The following AK5 variants were observed in gnomAD, a reference collection of about 807,000 sequenced individuals.
AK5 encodes the protein adenylate kinase isoenzyme 5.
AK5 carries 27 observed loss-of-function variants against 69.5 expected under a neutral mutation model. The observed-to-expected ratio is 0.39, with a 90% confidence interval of 0.29 to 0.54. The LOEUF (loss-of-function observed/expected upper bound fraction) is 0.54, where lower values mean the gene tolerates loss of function less well. AK5 is among the 20% of genes least tolerant of loss of function. The pLI, the probability that AK5 is intolerant of heterozygous loss-of-function variation, is 0.71. For synonymous variants in AK5, 260 were observed against 244.4 expected, an observed-to-expected ratio of 1.06 and a Z score of -0.60; for missense variants, 531 against 700.4, an observed-to-expected ratio of 0.76 and a Z score of 2.73.
intron 10 of AK5, among the ~76,000 whole-genome samples, chr1:77,509,271 C>T (rs1657196455): frequency 6.6e-6 from 1 of 152,222 alleles, no homozygotes; most frequent in Non-Finnish European, 1.5e-5. Flanking sequence ...CTTCAGCTGA[C>T]CCTGGCATAT....
chr1:77,436,761 T>C (rs1275247309), intron 8 of AK5, among the ~76,000 whole-genome samples: 1 of 152,094 alleles, frequency 6.6e-6, no homozygotes, highest in Non-Finnish European at 1.5e-5. Context: ...ATATTACTTA[T>C]GAAAACTAAG....
At chr1:77,286,809 T>C in intron 1 of AK5, 132 bp from the exon 2 acceptor site, 1 of 485,580 alleles carries the variant, frequency 2.1e-6, no homozygotes. Flanking sequence ...ATTGTGCCAC[T>C]GCACTCCAGC....
intron 5 of AK5, among the ~76,000 whole-genome samples, chr1:77,318,709 A>G (rs1660370069): frequency 6.7e-6 from 1 of 150,172 alleles, no homozygotes; most frequent in Admixed American, 6.6e-5. Context: ...GTCTCTCTTC[A>G]GTGGGTCTTT....
chr1:77,423,262 G>C (rs1056770890), intron 8 of AK5, among the ~76,000 whole-genome samples: 1 of 149,468 alleles, frequency 6.7e-6, no homozygotes, highest in Non-Finnish European at 1.5e-5. Flanking sequence ...TGTTGTCAGA[G>C]GTAGGGAGTG....
chr1:77,425,322 AC>A (rs1376404062), intron 8 of AK5, among the ~76,000 whole-genome samples: 1 of 152,230 alleles, frequency 6.6e-6, no homozygotes, highest in Non-Finnish European at 1.5e-5. Flanking sequence ...ATGGTGGCTC[AC>A]GCCTGTAATC....
intron 3 of AK5, among the ~76,000 whole-genome samples, chr1:77,296,841 A>C (rs6703688): frequency 0.1 from 15,376 of 152,158 alleles, 974 homozygotes; most frequent in East Asian, 0.2. Flanking sequence ...GATCTAGTTT[A>C]TTTCCTCTGT....
At chr1:77,293,514 A>G in intron 2 of AK5, 1 of 237,822 alleles carries the variant, frequency 4.2e-6, no homozygotes, top group Non-Finnish European at 8.0e-6. Flanking sequence ...ATGAAGTTTT[A>G]TTGGAACACA....
At chr1:77,319,629 A>G (rs1044184048) in intron 5 of AK5, among the ~76,000 whole-genome samples, 5 of 152,158 alleles carry the variant, frequency 3.3e-5, no homozygotes, top group East Asian at 1.9e-4. Context: ...AACATAAACT[A>G]TTGTATTTCC....
chr1:77,316,729 A>C (rs1660262359), intron 5 of AK5, among the ~76,000 whole-genome samples: 1 of 152,198 alleles, frequency 6.6e-6, no homozygotes, highest in Admixed American at 6.5e-5. Flanking sequence ...GCTTGTTTAT[A>C]ATTATTTAAT....
intron 6 of AK5, among the ~76,000 whole-genome samples, chr1:77,361,746 C>A (rs1646868946): frequency 6.6e-6 from 1 of 152,138 alleles, no homozygotes; most frequent in African/African-American, 2.4e-5. Context: ...GCAAAGAGAG[C>A]TTGTGCAGGG....
At chr1:77,282,404 C>A in intron 1 of AK5, 31 bp downstream of exon 1, 1 of 1,533,078 alleles carries the variant, frequency 6.5e-7, no homozygotes, top group Non-Finnish European at 8.8e-7. Flanking sequence ...CGGGCGGTAG[C>A]ATCCGGGGAC....
chr1:77,513,301 GC>G (rs1186134266), intron 10 of AK5, among the ~76,000 whole-genome samples: 72 of 152,152 alleles, frequency 4.7e-4, no homozygotes, highest in Non-Finnish European at 9.1e-4. Flanking sequence ...GGTGTTTACA[GC>G]CCCCACTCAT....
intron 6 of AK5, among the ~76,000 whole-genome samples, chr1:77,391,386 A>T (rs192229677): frequency 0.018 from 2,626 of 143,504 alleles, 91 homozygotes; most frequent in African/African-American, 0.067. Context: ...TATGCAAAAA[A>T]AAAAATATAT....
At chr1:77,533,863 G>A (rs903136633) in intron 12 of AK5, among the ~76,000 whole-genome samples, 1 of 151,900 alleles carries the variant, frequency 6.6e-6, no homozygotes, top group African/African-American at 2.4e-5. Flanking sequence ...ACATTAAGCC[G>A]CCTCCCAAGC....
At position 77,340,315 on chromosome 1, in the gene AK5, C is replaced by G; in HGVS notation, c.700-62C>G. 4.8e-6 allele frequency: 7 copies of G among 1,455,692 alleles called. No homozygotes were observed. In the South Asian group the frequency reaches 8.7e-5, roughly 18 times the overall value. The allele number at this position is 1,455,692 out of a possible 1,614,324, so 90.2% of individuals were successfully genotyped here. On this transcript the variant is annotated intron_variant, in intron 5 of 13. Transcript: ENST00000354567. Reference sequence around the variant, plus strand: ...ACAGAACAAAAGGAAATGAATGCAGCTGCCCACACATGCATTAGTTGGTAT... The same window carrying G: ...ACAGAACAAAAGGAAATGAATGCAGGTGCCCACACATGCATTAGTTGGTAT...
rs1465638904 is a variant in AK5, at chr1:77,535,914, A to G, written c.1496A>G (p.Gln499Arg). 3 of 1,613,918 alleles carry G rather than the reference A, an allele frequency of 1.9e-6. No homozygotes were observed. Among genetic ancestry groups the G allele is most frequent in the Non-Finnish European group, 2.5e-6 (3 of 1,179,980 alleles). Reference sequence around the variant, plus strand: ...GACACCATGACCAACCGCCTTCTCCAAAGGAGCCGGAGCAGCCTGCCTGTG... The same window carrying G: ...GACACCATGACCAACCGCCTTCTCCGAAGGAGCCGGAGCAGCCTGCCTGTG... ...SADTMTNRLL[Q>R]RSRSSLPVDD... The change falls in exon 13 of 14, where the codon CAA (glutamine) becomes CGA (arginine). Residue 499 changes from glutamine (Q) to arginine (R), a missense_variant. Physicochemically the swap from Gln to Arg is conservative, Grantham distance 43. Coordinates refer to ENST00000354567, the MANE Select transcript of AK5 (RefSeq NM_174858.3).
rs537228243 is a variant in AK5, at chr1:77,340,632, A to G, written c.891+64A>G. ...GCTCTTTCAGATTTCTCATTAGCCCATGTTCTCATGTAGAAATCCTCTTTA... is the reference window on the plus strand; with the variant it reads ...GCTCTTTCAGATTTCTCATTAGCCCGTGTTCTCATGTAGAAATCCTCTTTA... On this transcript the variant is annotated intron_variant, in intron 6 of 13. Coordinates refer to ENST00000354567, the MANE Select transcript of AK5 (RefSeq NM_174858.3). The G allele has an allele frequency of 1.0e-4, 148 of 1,464,624 alleles. No homozygotes were observed. In the African/African-American group the frequency reaches 1.9e-3, roughly 19 times the overall value. 90.7% of individuals were successfully genotyped at this position (1,464,624 alleles called of 1,614,324 possible). A position where few individuals can be genotyped will look rare whatever the true frequency, so the allele number is the denominator to read the frequency against.
intron 10 of AK5, among the ~76,000 whole-genome samples, chr1:77,501,398 A>G (rs546519366): frequency 5.7e-4 from 87 of 152,350 alleles, no homozygotes; most frequent in African/African-American, 2.0e-3. Flanking sequence ...CTCATCAGGC[A>G]ATTTCCTTGT....
At chr1:77,287,195 G>A in intron 2 of AK5, 68 bp downstream of exon 2, 2 of 1,138,938 alleles carry the variant, frequency 1.8e-6, no homozygotes, top group Non-Finnish European at 2.3e-6. Flanking sequence ...ATGCCATATA[G>A]ACTATACACA....
Sources: allele counts gnomAD v4.1 joint callset (sites outside exome capture counted in the v4.1 genomes callset), GRCh38; gene constraint gnomAD v4.1.1; transcripts MANE v1.5; gene names NCBI Gene and HGNC (gene_info 2026-07-23, HGNC 2026-07-21).